The following FGF12 variants were observed in gnomAD, a reference collection of about 807,000 sequenced individuals.
FGF12 encodes fibroblast growth factor 12, also known as fibroblast growth factor 12B.
FGF12 carries 14 observed loss-of-function variants against 23.6 expected under a neutral mutation model. That is an observed-to-expected ratio of 0.59 (90% CI 0.39 to 0.93). The LOEUF is 0.93. Among genes scored for constraint, FGF12 ranks in the 40% least tolerant of loss-of-function variants. FGF12 has a pLI of 0.00. For synonymous variants in FGF12, 62 were observed against 77.3 expected (o/e 0.80, Z 1.04); for missense variants, 175 against 217.8 (o/e 0.80, Z 1.24).
At chr3:192,351,829 G>C (rs1288110568) in intron 3 of FGF12, among the ~76,000 whole-genome samples, 1 of 152,150 alleles carries the variant, frequency 6.6e-6, no homozygotes, top group Non-Finnish European at 1.5e-5. Context: ...TTCTGTATGG[G>C]GGTGACAGTT....
intron 2 of FGF12, among the ~76,000 whole-genome samples, chr3:192,470,712 C>A (rs911677330): frequency 6.6e-6 from 1 of 152,162 alleles, no homozygotes; most frequent in African/African-American, 2.4e-5. Flanking sequence ...TGATAACTGT[C>A]GTGAACATTC....
At chr3:192,254,623 AT>A (rs1262018172) in intron 4 of FGF12, among the ~76,000 whole-genome samples, 2 of 152,028 alleles carry the variant, frequency 1.3e-5, no homozygotes, top group African/African-American at 4.8e-5. Context: ...ATAATCTGTA[AT>A]TTACCTTTAA....
intron 3 of FGF12, among the ~76,000 whole-genome samples, chr3:192,338,422 C>A (rs1028189656): frequency 6.6e-6 from 1 of 152,180 alleles, no homozygotes; most frequent in Admixed American, 6.5e-5. Flanking sequence ...CACCTTCTAA[C>A]ATATCCTGCA....
At chr3:192,523,082 G>T (rs1724861616) in intron 2 of FGF12, among the ~76,000 whole-genome samples, 1 of 152,008 alleles carries the variant, frequency 6.6e-6, no homozygotes, top group African/African-American at 2.4e-5. Flanking sequence ...ATATAAATTT[G>T]GCTTTGATTT....
chr3:192,158,380 TTC>T (rs1339632391), intron 5 of FGF12, among the ~76,000 whole-genome samples: 25 of 116,904 alleles, frequency 2.1e-4, no homozygotes, highest in African/African-American at 8.8e-4. Flanking sequence ...CTTTCTTTCT[TTC>T]TTTTCTTTCT....
chr3:192,158,446 CTTCTTTT>C (rs1346147761), intron 5 of FGF12, among the ~76,000 whole-genome samples: 1 of 100,938 alleles, frequency 9.9e-6, no homozygotes, highest in Non-Finnish European at 2.2e-5. Context: ...TTCTTTCTTT[CTTCTTTT>C]TTCTTGCTTT....
chr3:192,229,702 T>C (rs1718921953), intron 4 of FGF12, among the ~76,000 whole-genome samples: 1 of 152,066 alleles, frequency 6.6e-6, no homozygotes, highest in Non-Finnish European at 1.5e-5. Context: ...ATGGCTATTG[T>C]AAGTAATTTG....
chr3:192,562,019 A>G (rs970351321), intron 2 of FGF12, among the ~76,000 whole-genome samples: 12 of 152,294 alleles, frequency 7.9e-5, no homozygotes, highest in Non-Finnish European at 1.0e-4. Context: ...ACCAAAATAA[A>G]AACAAATAAA....
In FGF12 at chr3:192,385,625, A is replaced by G; in HGVS notation, c.14-25087T>C. Among the ~76,000 whole-genome samples, 2 of 147,342 alleles carry G rather than the reference A, an allele frequency of 1.4e-5. 1 individual carries two copies. The highest frequency in any genetic ancestry group is 4.0e-4 in the East Asian group (2 of 4,980). ...TGGGCTCCAGCCAACTGACACTGCC[A>G]GGGACCCATAGGGATTCACATATAA... On this transcript the variant is annotated intron_variant, in intron 2 of 5. Coordinates refer to ENST00000445105, the MANE Select transcript of FGF12 (RefSeq NM_004113.6).
At chr3:192,445,687 C>T (rs77623127) in intron 2 of FGF12, among the ~76,000 whole-genome samples, 3 of 152,272 alleles carry the variant, frequency 2.0e-5, no homozygotes, top group Admixed American at 1.3e-4. Context: ...CATGCAGCAG[C>T]GTTTTGCACG....
chr3:192,520,992 A>G (rs1286910669), intron 2 of FGF12, among the ~76,000 whole-genome samples: 1 of 152,160 alleles, frequency 6.6e-6, no homozygotes, highest in Admixed American at 6.5e-5. Flanking sequence ...TGAGAAATAC[A>G]CTCTGTGTGC....
chr3:192,176,734 C>T (rs1025508470), intron 4 of FGF12, among the ~76,000 whole-genome samples: 4 of 152,182 alleles, frequency 2.6e-5, no homozygotes, highest in Non-Finnish European at 5.9e-5. Flanking sequence ...TCAAGTTTTT[C>T]CTACATAATT....
chr3:192,670,325 AAAT>A (rs1444784616), intron 2 of FGF12, among the ~76,000 whole-genome samples: 10 of 152,228 alleles, frequency 6.6e-5, no homozygotes, highest in African/African-American at 2.4e-4. Context: ...TATTTTTAGT[AAAT>A]AACTATTTTT....
chr3:192,720,606 T>G (rs1719007836), intron 2 of FGF12, among the ~76,000 whole-genome samples: 1 of 152,218 alleles, frequency 6.6e-6, no homozygotes, highest in African/African-American at 2.4e-5. Context: ...CCTCAAACTC[T>G]TGCCATCTAT....
chr3:192,552,937 T>C (rs1276752159), intron 2 of FGF12, among the ~76,000 whole-genome samples: 1 of 151,286 alleles, frequency 6.6e-6, no homozygotes, highest in Non-Finnish European at 1.5e-5. Flanking sequence ...AAGAAAAAAA[T>C]ACATGCCAGA....
intron 2 of FGF12, among the ~76,000 whole-genome samples, chr3:192,494,841 C>CATATATATATATATAT (rs60656064): frequency 2.7e-4 from 41 of 150,436 alleles, no homozygotes; most frequent in African/African-American, 9.8e-4. Context: ...AGGGCCTATG[C>CATATATATATATATAT]ATATATATAT....
chr3:192,417,940 T>C (rs1381538957), intron 2 of FGF12, among the ~76,000 whole-genome samples: 1 of 152,060 alleles, frequency 6.6e-6, no homozygotes, highest in Non-Finnish European at 1.5e-5. Flanking sequence ...GCCTGGATTT[T>C]GAATAATTTG....
rs571710710 is a variant in FGF12 at position 192,375,099 on chromosome 3, G to T, written c.14-14561C>A. 2.0e-5 allele frequency among the ~76,000 whole-genome samples: 3 copies of T among 152,198 alleles called. No individual in the cohort carries two copies. The East Asian group carries it at 5.8e-4, about 29-fold the overall frequency. ...GTTGTGCATTTTAACATAAAAATAT[G>T]CCATGTATATTATCAAGCAATTTGA... On this transcript the variant is annotated intron_variant, in intron 2 of 5. Transcript: ENST00000445105.
chr3:192,660,704 G>A (rs1716632412), intron 2 of FGF12, among the ~76,000 whole-genome samples: 2 of 152,104 alleles, frequency 1.3e-5, no homozygotes, highest in Admixed American at 1.3e-4. Flanking sequence ...ATTGGAAGCA[G>A]GAGATACTTC....
Sources: gnomAD v4.1 joint callset for allele counts (sites outside exome capture counted in the v4.1 genomes callset) on GRCh38, gnomAD v4.1.1 for gene constraint, MANE v1.5 for transcripts, NCBI Gene and HGNC (gene_info 2026-07-23, HGNC 2026-07-21) for gene names.